Variants in TBC1D2B observed in about 807,000 individuals in gnomAD.
TBC1D2B encodes the protein TBC1 domain family, member 2B.
TBC1D2B carries 64 observed loss-of-function variants against 100.8 expected under a neutral mutation model. The ratio of observed to expected loss-of-function variants is 0.64; its 90% CI spans 0.52 to 0.78. TBC1D2B has a LOEUF of 0.78. Among genes scored for constraint, TBC1D2B ranks in the 30% least tolerant of loss-of-function variants. The pLI, the probability that TBC1D2B is intolerant of heterozygous loss-of-function variation, is 0.00. For missense variants in TBC1D2B, 1,052 were observed against 1,218.4 expected (o/e 0.86, Z 2.03); for synonymous variants, 480 against 479.7 (o/e 1.00, Z -0.01).
At chr15:78,066,145 G>A (rs544376660) in intron 1 of TBC1D2B, 28 of 456,994 alleles carry the variant, frequency 6.1e-5, no homozygotes, top group African/African-American at 4.6e-4. Flanking sequence ...ACCCTAGCAC[G>A]TAGGGTCTGC....
chr15:78,038,124 TC>T (rs1475993067), intron 3 of TBC1D2B, among the ~76,000 whole-genome samples: 1 of 151,918 alleles, frequency 6.6e-6, no homozygotes, highest in East Asian at 1.9e-4. Context: ...CCTGGAAGGG[TC>T]TGGAGCCTTC....
rs780636555 is a variant in TBC1D2B, at chr15:78,003,521, C to A, written c.2389-31G>T. 8 of 1,562,814 alleles carry A rather than the reference C, an allele frequency of 5.1e-6. No homozygotes were observed. The Admixed American group carries it at 1.4e-4, about 27-fold the overall frequency. On this transcript the variant is annotated intron_variant, in intron 10 of 12. Coordinates refer to ENST00000300584, the MANE Select transcript of TBC1D2B (RefSeq NM_144572.2). ...GAGGGAACAAAGGGGAGAAGTGTATCAGGCCTGCCAGGTCACCGGGTAAGC... is the reference window on the plus strand; with the variant it reads ...GAGGGAACAAAGGGGAGAAGTGTATAAGGCCTGCCAGGTCACCGGGTAAGC...
In TBC1D2B at chr15:78,048,033, C is replaced by T. The variant is rs556164669; in HGVS notation, c.515-2965G>A. ...GGCTAGTAGCAAGGTGATGAACGGC[C>T]CCTCTGCGAGACTGGACTGTCAAAT... On this transcript the variant is annotated intron_variant, in intron 2 of 12. Coordinates refer to ENST00000300584, the MANE Select transcript of TBC1D2B (RefSeq NM_144572.2). Among the ~76,000 whole-genome samples the T allele has an allele frequency of 4.1e-4, 62 of 152,294 alleles. No homozygotes were observed. The South Asian group carries it at 1.0e-2, about 24-fold the overall frequency.
intron 3 of TBC1D2B, 89 bp from the exon 4 acceptor site, chr15:78,030,259 T>A: frequency 9.2e-7 from 1 of 1,087,284 alleles, no homozygotes; most frequent in Non-Finnish European, 1.3e-6. Context: ...AAAATTTAAA[T>A]ATCTAATGAT....
intron 2 of TBC1D2B, among the ~76,000 whole-genome samples, chr15:78,047,816 A>C (rs2073229678): frequency 6.6e-6 from 1 of 152,148 alleles, no homozygotes; most frequent in South Asian, 2.1e-4. Context: ...AGTGGGGGGC[A>C]GGGGGTGCTC....
At chr15:78,070,067 C>A (rs2073719941) in intron 1 of TBC1D2B, among the ~76,000 whole-genome samples, 1 of 152,208 alleles carries the variant, frequency 6.6e-6, no homozygotes, top group South Asian at 2.1e-4. Flanking sequence ...CTGACTCTAG[C>A]TCTTAAGATG....
At chr15:78,000,421 CCT>C (rs754460900) in intron 12 of TBC1D2B, among the ~76,000 whole-genome samples, 21 of 152,244 alleles carry the variant, frequency 1.4e-4, no homozygotes, top group Admixed American at 6.5e-4. Flanking sequence ...GAGCTCACTC[CCT>C]GTCACTCTCG....
chr15:78,022,615 G>A (rs974914410), intron 6 of TBC1D2B, among the ~76,000 whole-genome samples: 9 of 151,820 alleles, frequency 5.9e-5, no homozygotes, highest in Admixed American at 2.6e-4. Flanking sequence ...GAGGATCTCC[G>A]CTCACTGCAG....
At position 78,030,142 on chromosome 15, in the gene TBC1D2B, T is replaced by A; in HGVS notation, c.712A>T (p.Arg238Ter). Residue 238 changes from arginine (R) to a stop codon, truncating the protein, a stop_gained, in exon 4 of 13, where the codon AGA becomes TGA. Transcript: ENST00000300584. LOFTEE classifies it high-confidence loss of function. ...KNSMSSFRPG[R>*]GHNDSRRTVF... ...GTCCTCCGACTATCATTATGTCCTC[T>A]CCCAGGACGGAAAGAAGACATCGAA... The A allele has an allele frequency of 1.9e-6, 3 of 1,611,320 alleles. No homozygotes were observed. Among genetic ancestry groups the A allele is most frequent in the Non-Finnish European group, 2.5e-6 (3 of 1,179,204 alleles).
At chr15:78,018,922 T>A in intron 6 of TBC1D2B, among the ~76,000 whole-genome samples, 1 of 152,186 alleles carries the variant, frequency 6.6e-6, no homozygotes, top group Non-Finnish European at 1.5e-5. Context: ...TAGTCTTTTA[T>A]AAATGTGTCT....
intron 3 of TBC1D2B, among the ~76,000 whole-genome samples, chr15:78,040,880 A>AAGAG (rs374888157): frequency 6.8e-5 from 10 of 147,960 alleles, no homozygotes; most frequent in Admixed American, 4.1e-4. Context: ...GAAAGAAAGA[A>AAGAG]AGAGAGAGAG....
chr15:78,039,738 T>C (rs2073029889), intron 3 of TBC1D2B, among the ~76,000 whole-genome samples: 2 of 134,834 alleles, frequency 1.5e-5, no homozygotes, highest in African/African-American at 5.6e-5. Flanking sequence ...ACCCATCCAG[T>C]AGAGAGGCTT....
chr15:78,047,591 T>A (rs1301229238), intron 2 of TBC1D2B, among the ~76,000 whole-genome samples: 2 of 152,032 alleles, frequency 1.3e-5, no homozygotes, highest in African/African-American at 4.8e-5. Context: ...TATACTAGGG[T>A]TGCCTTTAAG....
chr15:78,074,898 T>C (rs781642196), intron 1 of TBC1D2B, among the ~76,000 whole-genome samples: 1 of 152,212 alleles, frequency 6.6e-6, no homozygotes, highest in Non-Finnish European at 1.5e-5. Context: ...ATACACTACA[T>C]ATTTGGCCAA....
At chr15:78,071,683 C>T (rs1390907466) in intron 1 of TBC1D2B, among the ~76,000 whole-genome samples, 1 of 152,194 alleles carries the variant, frequency 6.6e-6, no homozygotes, top group African/African-American at 2.4e-5. Context: ...TGTAATACAC[C>T]TGTATATTTG....
intron 1 of TBC1D2B, among the ~76,000 whole-genome samples, chr15:78,058,109 T>C (rs1308981639): frequency 6.6e-6 from 1 of 152,188 alleles, no homozygotes; most frequent in African/African-American, 2.4e-5. Context: ...ATAAATACGA[T>C]AGTATTAAAA....
At chr15:78,011,537 C>T (rs2072225369) in intron 9 of TBC1D2B, among the ~76,000 whole-genome samples, 1 of 143,326 alleles carries the variant, frequency 7.0e-6, no homozygotes, top group Non-Finnish European at 1.5e-5. Context: ...GTGGTGTGAT[C>T]ACAGCTCACC....
Position 78,016,575 on chromosome 15 carries a change from C to T in TBC1D2B, c.1746G>A (p.Glu582=). ...ALQVESQEQP[E]QAFVKPHLVS... is the part of the protein sequence containing the mutation. Reference sequence around the variant, plus strand: ...CAAGATGAGGTTTAACAAATGCTTGCTCCGGCTGCTCTTGGCTCTCAACCT... The same window carrying T: ...CAAGATGAGGTTTAACAAATGCTTGTTCCGGCTGCTCTTGGCTCTCAACCT... The change falls in exon 8 of 13, where the codon GAG becomes GAA. Residue 582 remains glutamate, a synonymous_variant. Transcript: ENST00000300584. The T allele has an allele frequency of 1.2e-6, 2 of 1,612,896 alleles. No homozygotes were observed. Among genetic ancestry groups the T allele is most frequent in the Non-Finnish European group, 1.7e-6 (2 of 1,179,620 alleles).
chr15:78,056,304 T>C (rs913485429), intron 1 of TBC1D2B, among the ~76,000 whole-genome samples: 38 of 152,120 alleles, frequency 2.5e-4, no homozygotes, highest in African/African-American at 7.7e-4. Context: ...GGTCAGTGAG[T>C]GGCAAGGACC....
Sources: allele counts gnomAD v4.1 joint callset (sites outside exome capture counted in the v4.1 genomes callset), GRCh38; gene constraint gnomAD v4.1.1; transcripts MANE v1.5; gene names NCBI Gene and HGNC (gene_info 2026-07-23, HGNC 2026-07-21).